Variants in DBNDD1 observed in about 807,000 individuals in gnomAD.
DBNDD1 encodes the protein dysbindin domain containing 1.
A neutral mutation model predicts 17.0 loss-of-function variants in DBNDD1; 14 were observed. The observed-to-expected ratio is 0.82, with a 90% CI of 0.54 to 1.29. The LOEUF (loss-of-function observed/expected upper bound fraction) is 1.29, where lower values mean the gene tolerates loss of function less well. Ranked by LOEUF, DBNDD1 falls within the 50% of genes most tolerant of loss-of-function variation. DBNDD1 has a pLI of 0.00. For synonymous variants in DBNDD1, 105 were observed against 102.0 expected (o/e 1.03, Z -0.18); for missense variants, 221 against 216.2 (o/e 1.02, Z -0.14).
In DBNDD1 at chr16:90,009,375, C is replaced by T. The variant is rs372581728; in HGVS notation, c.87G>A (p.Gly29=). ...CAGGCGTGTGGCCATTGTCCCCTGT[C>T]CCCTGGGCTGGGACGCCCAGCGCAG... ...PQAALGVPAQ[G]TGDNGHTPVE... The change falls in exon 2 of 4, where the codon GGG becomes GGA. Residue 29 remains glycine (G), a synonymous_variant. Coordinates refer to ENST00000002501, the MANE Select transcript of DBNDD1 (RefSeq NM_001042610.3). The T allele has an allele frequency of 2.5e-6, 4 of 1,613,370 alleles. No individual in the cohort carries two copies. The highest frequency in any genetic ancestry group is 1.1e-5 in the South Asian group (1 of 91,088).
At chr16:90,009,624 T>A (rs8062608) in intron 1 of DBNDD1, 194 bp from the exon 2 acceptor site, 22,125 of 787,578 alleles carry the variant, frequency 0.028, 948 homozygotes, top group African/African-American at 0.16. Context: ...TCAAGGAGGC[T>A]GCTCCTTCCC....
In DBNDD1 at chr16:90,018,490, G is replaced by C. The variant is rs1048665819; in HGVS notation, c.31+821C>G. 7.9e-5 allele frequency among the ~76,000 whole-genome samples: 12 copies of C among 152,260 alleles called. 1 individual carries two copies. The highest frequency in any genetic ancestry group is 7.2e-4 in the Admixed American group (11 of 15,290). ...CCCTCAGGCACCTGCTGGCTCCCTG[G>C]AATGGGAGCTCTAGGAAACCAGGAG... On this transcript the variant is annotated intron_variant, in intron 1 of 3. Transcript: ENST00000002501.
At chr16:90,011,700 G>A in intron 1 of DBNDD1, 1 of 455,174 alleles carries the variant, frequency 2.2e-6, no homozygotes. Flanking sequence ...CTGGCATCTG[G>A]AATGAGGTTT....
intron 1 of DBNDD1, among the ~76,000 whole-genome samples, chr16:90,013,353 C>A (rs1335916441): frequency 6.7e-6 from 1 of 149,336 alleles, no homozygotes; most frequent in African/African-American, 2.5e-5. Flanking sequence ...ATTCTCACCT[C>A]ACCCTAACTC....
chr16:90,017,131 TC>T (rs1257205337), intron 1 of DBNDD1, among the ~76,000 whole-genome samples: 2 of 152,390 alleles, frequency 1.3e-5, no homozygotes, highest in African/African-American at 4.8e-5. Context: ...ACCTCCGTGT[TC>T]TGTACATTTC....
In DBNDD1 at chr16:90,014,731, GC is replaced by G. The variant is rs1230084075; in HGVS notation, c.31+4579del. Among the ~76,000 whole-genome samples, 5 of 152,172 alleles carry G rather than the reference GC, an allele frequency of 3.3e-5. No homozygotes were observed. In the East Asian group the frequency reaches 9.7e-4, roughly 30 times the overall value. On this transcript the variant is annotated intron_variant, in intron 1 of 3. Transcript: ENST00000002501. Reference sequence around the variant, plus strand: ...TTAAGAAGTATCCTTTCGGCCGGGCGCGGTGGCTCACGCCTGTAATCCCAGC... The same window carrying G: ...TTAAGAAGTATCCTTTCGGCCGGGCGGGTGGCTCACGCCTGTAATCCCAGC...
intron 1 of DBNDD1, among the ~76,000 whole-genome samples, chr16:90,014,271 C>T (rs1412794187): frequency 2.0e-5 from 3 of 152,086 alleles, no homozygotes; most frequent in Middle Eastern, 3.4e-3. Flanking sequence ...GGATTACAGG[C>T]GTGCGCCACC....
chr16:90,015,994 T>C (rs1181782383), intron 1 of DBNDD1, among the ~76,000 whole-genome samples: 1 of 152,224 alleles, frequency 6.6e-6, no homozygotes, highest in African/African-American at 2.4e-5. Flanking sequence ...GAACTTTATA[T>C]GTGAATAATA....
intron 1 of DBNDD1, among the ~76,000 whole-genome samples, chr16:90,013,663 T>C (rs1049637316): frequency 1.3e-5 from 2 of 152,154 alleles, no homozygotes; most frequent in African/African-American, 4.8e-5. Flanking sequence ...CGTCTCCCCT[T>C]GTAGTCCCCC....
At chr16:90,019,523 CCCCGG>C (rs1411511548), upstream of DBNDD1, 2 of 155,030 alleles carry the variant, frequency 1.3e-5, no homozygotes, top group Non-Finnish European at 2.7e-5. The surrounding 1 kb of genome is among the most constrained non-coding windows in gnomAD (Gnocchi z 6.1). Flanking sequence ...TGCTCCCGGG[CCCCGG>C]CCCCCTCCCG....
intron 1 of DBNDD1, among the ~76,000 whole-genome samples, chr16:90,011,909 G>A (rs920387505): frequency 6.6e-6 from 1 of 152,204 alleles, no homozygotes; most frequent in Non-Finnish European, 1.5e-5. Context: ...GGGGTGCCCA[G>A]GAGAGGGGAC....
intron 1 of DBNDD1, chr16:90,009,747 C>T (rs999676574): frequency 3.1e-6 from 2 of 639,186 alleles, no homozygotes; most frequent in Admixed American, 3.1e-5. Flanking sequence ...CCAGGGCCCG[C>T]GTGGCTGCAT....
At chr16:90,013,857 C>G (rs1304474014) in intron 1 of DBNDD1, among the ~76,000 whole-genome samples, 1 of 119,984 alleles carries the variant, frequency 8.3e-6, no homozygotes, top group East Asian at 2.6e-4. Flanking sequence ...TAGGGGGCAT[C>G]TGGGGAGGGT....
intron 1 of DBNDD1, among the ~76,000 whole-genome samples, chr16:90,012,584 C>G (rs527745537): frequency 1.4e-4 from 21 of 151,554 alleles, no homozygotes; most frequent in African/African-American, 4.6e-4. Flanking sequence ...GTCAGCCTTC[C>G]GAGTAGCTGG....
At position 90,008,879 on chromosome 16, in the gene DBNDD1, A is replaced by G; in HGVS notation, c.224T>C (p.Leu75Pro). ...CATGTCGGTGAGCTCAGTGAGGTCC[A>G]GGAGGTCGAAGTGGACCTCCAGAGA... ...VSSLEVHFDL[L>P]DLTELTDMSD... The change falls in exon 3 of 4, where the codon CTG (leucine) becomes CCG (proline). Residue 75 changes from leucine to proline, a missense_variant. Coordinates refer to ENST00000002501, the MANE Select transcript of DBNDD1 (RefSeq NM_001042610.3). The G allele has an allele frequency of 6.3e-7, 1 of 1,593,492 alleles. No individual in the cohort carries two copies. The highest frequency in any genetic ancestry group is 1.7e-5 in the Admixed American group (1 of 58,512).
chr16:90,017,600 T>C (rs1312882460), intron 1 of DBNDD1, among the ~76,000 whole-genome samples: 1 of 152,228 alleles, frequency 6.6e-6, no homozygotes, highest in African/African-American at 2.4e-5. Flanking sequence ...TTGGTGGTAG[T>C]CTGGAGAGGA....
intron 1 of DBNDD1, chr16:90,009,748 G>T (rs543215690): frequency 3.1e-6 from 2 of 640,834 alleles, no homozygotes; most frequent in Non-Finnish European, 5.3e-6. Context: ...CAGGGCCCGC[G>T]TGGCTGCATT....
chr16:90,019,372 C>G lies in DBNDD1; in HGVS notation c.-31G>C. On this transcript the variant is annotated 5_prime_UTR_variant, in exon 1 of 4. Coordinates refer to ENST00000002501, the MANE Select transcript of DBNDD1 (RefSeq NM_001042610.3). This position sits in a 1 kb window ranked among gnomAD's most constrained non-coding sequence, Gnocchi z 6.1. ...CGGTGCGGTCTGGGAGGGGCACGGG[C>G]GACGGCGGCGTCGCCTGGCCCGGGC... 2 of 1,207,060 alleles carry G rather than the reference C, an allele frequency of 1.7e-6. No individual in the cohort carries two copies. Among genetic ancestry groups the G allele is most frequent in the Non-Finnish European group, 2.1e-6 (2 of 971,392 alleles). 74.8% of individuals were successfully genotyped at this position (1,207,060 alleles called of 1,614,324 possible).
intron 1 of DBNDD1, among the ~76,000 whole-genome samples, chr16:90,016,125 C>A (rs1423656513): frequency 6.6e-6 from 1 of 152,170 alleles, no homozygotes; most frequent in African/African-American, 2.4e-5. Flanking sequence ...ACGCCAGACC[C>A]CCAGGCACAG....
Sources: gnomAD v4.1 joint callset for allele counts (sites outside exome capture counted in the v4.1 genomes callset) on GRCh38, gnomAD v4.1.1 for gene constraint, Gnocchi (gnomAD v3.1) non-coding constraint, MANE v1.5 for transcripts, NCBI Gene and HGNC (gene_info 2026-07-23, HGNC 2026-07-21) for gene names.